CPQ: variants seen among roughly 807,000 people sequenced by gnomAD.
CPQ encodes the protein Ser-Met dipeptidase.
Under a neutral mutation model 45.7 loss-of-function variants are expected in CPQ, and 37 were observed. That is an observed-to-expected ratio of 0.81 (90% CI 0.62 to 1.07). The LOEUF (loss-of-function observed/expected upper bound fraction) is 1.07. Ranked by LOEUF, CPQ falls within the 50% of genes least tolerant of loss-of-function variation. CPQ has a pLI of 0.00. For missense variants in CPQ, 537 were observed against 572.9 expected, an observed-to-expected ratio of 0.94 and a Z score of 0.64; for synonymous variants, 186 against 205.8, an observed-to-expected ratio of 0.90 and a Z score of 0.82.
chr8:97,035,853 G>A (rs1161364399), intron 6 of CPQ, among the ~76,000 whole-genome samples: 2 of 151,920 alleles, frequency 1.3e-5, no homozygotes, highest in Non-Finnish European at 2.9e-5. Flanking sequence ...GACTACAGGC[G>A]CCCGCCACCA....
intron 1 of CPQ, among the ~76,000 whole-genome samples, chr8:96,734,218 C>A (rs1809948603): frequency 6.6e-6 from 1 of 152,192 alleles, no homozygotes; most frequent in South Asian, 2.1e-4. Context: ...CCTTTCAGTT[C>A]CACCTCCAGA....
At chr8:96,717,254 T>A (rs374806169) in intron 1 of CPQ, among the ~76,000 whole-genome samples, 4 of 151,800 alleles carry the variant, frequency 2.6e-5, no homozygotes, top group Non-Finnish European at 4.4e-5. Context: ...GTAATGGGAT[T>A]GCTAGATCAA....
At chr8:96,654,247 C>T (rs1318919653) in intron 1 of CPQ, among the ~76,000 whole-genome samples, 1 of 152,210 alleles carries the variant, frequency 6.6e-6, no homozygotes, top group Non-Finnish European at 1.5e-5. Flanking sequence ...TTGACACCTT[C>T]ATTCACCACC....
chr8:96,826,954 T>C (rs778482965), intron 2 of CPQ, among the ~76,000 whole-genome samples: 1 of 152,168 alleles, frequency 6.6e-6, no homozygotes, highest in Middle Eastern at 3.4e-3. Context: ...GCAAAGGACA[T>C]GATCTTGTTC....
At chr8:96,709,230 T>C (rs931967116) in intron 1 of CPQ, among the ~76,000 whole-genome samples, 3 of 152,140 alleles carry the variant, frequency 2.0e-5, no homozygotes, top group Admixed American at 2.0e-4. Flanking sequence ...GTGGTTTTTT[T>C]AATCCCTCAC....
At chr8:96,683,306 GT>G (rs1285860014) in intron 1 of CPQ, among the ~76,000 whole-genome samples, 1 of 151,970 alleles carries the variant, frequency 6.6e-6, no homozygotes, top group Non-Finnish European at 1.5e-5. Flanking sequence ...AGATGGCAGG[GT>G]TTTTTCTTTT....
chr8:96,748,048 T>C (rs773379585), intron 1 of CPQ, among the ~76,000 whole-genome samples: 3 of 152,234 alleles, frequency 2.0e-5, no homozygotes, highest in Non-Finnish European at 2.9e-5. Flanking sequence ...AGAAATCACC[T>C]AATTAGCATG....
chr8:97,101,615 C>A (rs1811308016), intron 7 of CPQ, among the ~76,000 whole-genome samples: 1 of 128,634 alleles, frequency 7.8e-6, no homozygotes, highest in Non-Finnish European at 1.6e-5. Context: ...GAAAAGGAAT[C>A]CAACTGAGTT....
intron 7 of CPQ, among the ~76,000 whole-genome samples, chr8:97,110,555 G>T (rs1586546028): frequency 6.6e-6 from 1 of 152,134 alleles, no homozygotes; most frequent in African/African-American, 2.4e-5. Flanking sequence ...TTCCAAAGTG[G>T]TTTTTACCCC....
intron 7 of CPQ, among the ~76,000 whole-genome samples, chr8:97,130,190 C>T (rs906803159): frequency 1.3e-5 from 2 of 152,172 alleles, no homozygotes; most frequent in African/African-American, 4.8e-5. Context: ...GCACGCTTTC[C>T]TCTCCACCTT....
intron 4 of CPQ, among the ~76,000 whole-genome samples, chr8:96,904,635 G>A (rs1170738825): frequency 6.6e-6 from 1 of 152,088 alleles, no homozygotes; most frequent in Non-Finnish European, 1.5e-5. Context: ...TTTTAAAAAG[G>A]GCCCATCTCA....
At chr8:96,792,227 G>C (rs1025947484) in intron 2 of CPQ, among the ~76,000 whole-genome samples, 2 of 152,184 alleles carry the variant, frequency 1.3e-5, no homozygotes, top group African/African-American at 4.8e-5. Flanking sequence ...TTACAAGACA[G>C]GAGAAAGCAC....
intron 1 of CPQ, among the ~76,000 whole-genome samples, chr8:96,669,852 GAATGC>G (rs1808978098): frequency 6.6e-6 from 1 of 152,172 alleles, no homozygotes; most frequent in Admixed American, 6.5e-5. Flanking sequence ...AAACTGCTGT[GAATGC>G]TGAATTTGTA....
intron 6 of CPQ, among the ~76,000 whole-genome samples, chr8:97,042,176 C>G (rs1810139506): frequency 6.6e-6 from 1 of 152,294 alleles, no homozygotes; most frequent in African/African-American, 2.4e-5. Flanking sequence ...TGTTATTGGT[C>G]TATTCAGAGA....
chr8:96,896,410 T>C (rs1003434469), intron 4 of CPQ, among the ~76,000 whole-genome samples: 2 of 152,162 alleles, frequency 1.3e-5, no homozygotes, highest in Non-Finnish European at 2.9e-5. Flanking sequence ...TCTAGAGTCT[T>C]TTCCCAGAAG....
At chr8:96,674,823 T>A (rs1233187640) in intron 1 of CPQ, among the ~76,000 whole-genome samples, 1 of 152,162 alleles carries the variant, frequency 6.6e-6, no homozygotes, top group Non-Finnish European at 1.5e-5. Context: ...AACCTTTTGA[T>A]GTTTGGCAAC....
intron 6 of CPQ, among the ~76,000 whole-genome samples, chr8:97,043,997 G>A (rs1042675672): frequency 1.8e-4 from 28 of 152,050 alleles, no homozygotes; most frequent in South Asian, 4.1e-4. Flanking sequence ...TCTTTGTGGC[G>A]TTCTCTATAT....
chr8:97,022,579 G>C (rs1169540930), intron 5 of CPQ, among the ~76,000 whole-genome samples: 1 of 151,942 alleles, frequency 6.6e-6, no homozygotes, highest in Non-Finnish European at 1.5e-5. Flanking sequence ...GACATGAATA[G>C]ACAATTCTCA....
intron 4 of CPQ, among the ~76,000 whole-genome samples, chr8:96,914,536 A>AT (rs761523268): frequency 3.3e-5 from 5 of 152,080 alleles, no homozygotes; most frequent in Non-Finnish European, 7.4e-5. Context: ...CTGAAATACA[A>AT]TTTTTTTGTG....
Sources: gnomAD v4.1 joint callset for allele counts (sites outside exome capture counted in the v4.1 genomes callset) on GRCh38, gnomAD v4.1.1 for gene constraint, MANE v1.5 for transcripts, NCBI Gene and HGNC (gene_info 2026-07-23, HGNC 2026-07-21) for gene names.